RCAN2: variants seen among roughly 807,000 people sequenced by gnomAD.
RCAN2 encodes calcipressin-2.
RCAN2 carries 9 observed loss-of-function variants against 23.6 expected under a neutral mutation model. That is an observed-to-expected ratio of 0.38 (90% CI 0.23 to 0.67). RCAN2 has a LOEUF of 0.67. Ranked by LOEUF, RCAN2 falls within the 30% of genes least tolerant of loss-of-function variation. The probability of loss-of-function intolerance (pLI) is 0.51; values close to 1 mark genes in which losing one functional copy is unlikely to be tolerated. For synonymous variants in RCAN2, 109 were observed against 115.7 expected, an observed-to-expected ratio of 0.94 and a Z score of 0.37; for missense variants, 273 against 302.3, an observed-to-expected ratio of 0.90 and a Z score of 0.72.
intron 2 of RCAN2, among the ~76,000 whole-genome samples, chr6:46,396,599 G>A (rs915447135): frequency 5.9e-5 from 9 of 152,144 alleles, no homozygotes; most frequent in African/African-American, 2.2e-4. Flanking sequence ...CCACTGGCAC[G>A]GCTGTACTGG....
chr6:46,292,424 TTGTTTTTTTTTTTG>T (rs1234965479), intron 2 of RCAN2, among the ~76,000 whole-genome samples: 28 of 127,096 alleles, frequency 2.2e-4, no homozygotes, highest in South Asian at 9.2e-4. Flanking sequence ...AGTTGATTTG[TTGTTTTTTTTTTTG>T]TTTTTTTTTT....
chr6:46,319,440 G>A (rs1260049855), intron 2 of RCAN2, among the ~76,000 whole-genome samples: 1 of 152,134 alleles, frequency 6.6e-6, no homozygotes, highest in South Asian at 2.1e-4. Context: ...ATTTAGGTTA[G>A]AGGTAGCAAC....
intron 2 of RCAN2, among the ~76,000 whole-genome samples, chr6:46,339,000 G>A (rs1764223796): frequency 8.7e-6 from 1 of 114,792 alleles, no homozygotes; most frequent in South Asian, 3.0e-4. Context: ...GGGTGACAAA[G>A]CGAGACCCTG....
At chr6:46,429,587 A>C (rs1228189314) in intron 2 of RCAN2, among the ~76,000 whole-genome samples, 1 of 152,214 alleles carries the variant, frequency 6.6e-6, no homozygotes, top group African/African-American at 2.4e-5. Flanking sequence ...CAGTACAAGC[A>C]GAATCTGAAG....
chr6:46,444,160 G>C (rs1415144862), intron 2 of RCAN2, among the ~76,000 whole-genome samples: 1 of 152,130 alleles, frequency 6.6e-6, no homozygotes, highest in Non-Finnish European at 1.5e-5. Flanking sequence ...TGTCTAGGTA[G>C]GTGACACAAA....
intron 2 of RCAN2, among the ~76,000 whole-genome samples, chr6:46,380,238 C>T (rs1028583090): frequency 1.3e-5 from 2 of 152,200 alleles, no homozygotes; most frequent in Non-Finnish European, 2.9e-5. Flanking sequence ...AACACATTAA[C>T]ATTTCTGCAG....
intron 2 of RCAN2, chr6:46,325,735 T>G (rs879253036): frequency 7.8e-7 from 1 of 1,283,234 alleles, no homozygotes. Flanking sequence ...CTGAAGCTAT[T>G]TTTTTTTCTC....
At chr6:46,462,520 T>G (rs965846846) in intron 1 of RCAN2, among the ~76,000 whole-genome samples, 1 of 152,172 alleles carries the variant, frequency 6.6e-6, no homozygotes, top group African/African-American at 2.4e-5. Context: ...GTAAAGACAA[T>G]ATGTTTCCTA....
rs752094937 is a variant in RCAN2, at chr6:46,317,655, C to T, written c.226-68759G>A. Reference sequence around the variant, plus strand: ...TTTTTTTTGTATTTTTTAGTAGAGACGGGGTTTCACCGTGTTAGCCAGGAT... The same window carrying T: ...TTTTTTTTGTATTTTTTAGTAGAGATGGGGTTTCACCGTGTTAGCCAGGAT... On this transcript the variant is annotated intron_variant, in intron 2 of 4. Coordinates refer to ENST00000371374, the MANE Select transcript of RCAN2 (RefSeq NM_001251974.2). 1.4e-4 allele frequency among the ~76,000 whole-genome samples: 21 copies of T among 152,028 alleles called. 1 individual carries two copies. The highest frequency in any genetic ancestry group is 1.9e-4 in the East Asian group (1 of 5,166).
In RCAN2 at chr6:46,343,234, A is replaced by G. The variant is rs552743792; in HGVS notation, c.226-94338T>C. 2.6e-5 allele frequency among the ~76,000 whole-genome samples: 4 copies of G among 152,320 alleles called. No homozygotes were observed. The South Asian group carries it at 8.3e-4, about 32-fold the overall frequency. On this transcript the variant is annotated intron_variant, in intron 2 of 4. Coordinates refer to ENST00000371374, the MANE Select transcript of RCAN2 (RefSeq NM_001251974.2). ...AATGGTGGCCAGAATACAAGGGAAC[A>G]ACATATTTTTAAGTCAAGGAAAAAA... is the stretch of plus-strand genomic sequence containing the variant.
intron 4 of RCAN2, among the ~76,000 whole-genome samples, chr6:46,246,214 A>G (rs1766506173): frequency 6.6e-6 from 1 of 152,214 alleles, no homozygotes; most frequent in Non-Finnish European, 1.5e-5. Context: ...AGAGCTACAT[A>G]TGCCAACATC....
chr6:46,433,350 A>T (rs528980597), intron 2 of RCAN2, among the ~76,000 whole-genome samples: 9 of 152,318 alleles, frequency 5.9e-5, no homozygotes, highest in African/African-American at 2.2e-4. Flanking sequence ...CCCGAGTCCC[A>T]CCAAGGATAT....
intron 2 of RCAN2, among the ~76,000 whole-genome samples, chr6:46,313,595 C>T (rs1350699092): frequency 6.6e-6 from 1 of 152,176 alleles, no homozygotes; most frequent in African/African-American, 2.4e-5. Context: ...AGTTGCTTTC[C>T]ATTATACCTT....
chr6:46,414,832 T>C (rs562614608), intron 2 of RCAN2, among the ~76,000 whole-genome samples: 3 of 152,232 alleles, frequency 2.0e-5, no homozygotes, highest in Admixed American at 1.3e-4. Context: ...ATATTCATCC[T>C]ATTGGTTCTG....
chr6:46,440,561 T>C (rs1278379489), intron 2 of RCAN2, among the ~76,000 whole-genome samples: 1 of 152,084 alleles, frequency 6.6e-6, no homozygotes, highest in African/African-American at 2.4e-5. Context: ...TTCATTAAAA[T>C]GTGAAGAAAG....
intron 2 of RCAN2, among the ~76,000 whole-genome samples, chr6:46,430,243 G>C (rs1767153268): frequency 6.6e-6 from 1 of 152,158 alleles, no homozygotes. Context: ...AAAGTGAGCT[G>C]TCAAATAGGA....
intron 1 of RCAN2, among the ~76,000 whole-genome samples, chr6:46,460,330 G>A (rs975418503): frequency 1.3e-5 from 2 of 152,154 alleles, no homozygotes; most frequent in African/African-American, 4.8e-5. Context: ...ACAAAGTGCT[G>A]GGATTACAGA....
chr6:46,479,233 C>T (rs959663088), intron 1 of RCAN2, among the ~76,000 whole-genome samples: 2 of 152,214 alleles, frequency 1.3e-5, no homozygotes, highest in Admixed American at 1.3e-4. Flanking sequence ...TTTTGAAAAA[C>T]TGAGTACAGA....
At chr6:46,385,123 A>G (rs1030774938) in intron 2 of RCAN2, among the ~76,000 whole-genome samples, 1 of 152,236 alleles carries the variant, frequency 6.6e-6, no homozygotes, top group African/African-American at 2.4e-5. Flanking sequence ...AGGAACCTTT[A>G]AGTCTCTGTG....
Sources: allele counts gnomAD v4.1 joint callset (sites outside exome capture counted in the v4.1 genomes callset), GRCh38; gene constraint gnomAD v4.1.1; transcripts MANE v1.5; gene names NCBI Gene and HGNC (gene_info 2026-07-23, HGNC 2026-07-21).